Variants in MARCHF1 observed in about 807,000 individuals in gnomAD.
MARCHF1 encodes the protein membrane associated ring-CH-type finger 1.
A neutral mutation model predicts 54.2 loss-of-function variants in MARCHF1; 40 were observed. The observed-to-expected ratio is 0.74, with a 90% CI of 0.57 to 0.96. The LOEUF (loss-of-function observed/expected upper bound fraction) is 0.96. Among genes scored for constraint, MARCHF1 ranks in the 40% least tolerant of loss-of-function variants. MARCHF1 has a pLI of 0.00. For synonymous variants in MARCHF1, 236 were observed against 236.3 expected (o/e 1.00, Z 0.01); for missense variants, 586 against 656.5 (o/e 0.89, Z 1.17).
chr4:163,999,445 CTACTT>C lies in MARCHF1; in HGVS notation c.-247-10741_-247-10737del, dbSNP rs1012542693. 2.3e-4 allele frequency among the ~76,000 whole-genome samples: 35 copies of C among 151,620 alleles called. 1 individual carries two copies. The highest frequency in any genetic ancestry group is 8.4e-4 in the African/African-American group (35 of 41,448). ...ACAATTGAGTATATTTCTTGACACT[CTACTT>C]AAGAGTATTCAAACACACAGTAAAA... On this transcript the variant is annotated intron_variant, in intron 2 of 9. Coordinates refer to ENST00000514618, the MANE Select transcript of MARCHF1 (RefSeq NM_001394959.1).
At chr4:163,671,534 G>T (rs560148032) in intron 5 of MARCHF1, among the ~76,000 whole-genome samples, 1 of 152,220 alleles carries the variant, frequency 6.6e-6, no homozygotes. Flanking sequence ...ATAGTTTTTT[G>T]TGTCTTTGTA....
At chr4:163,871,584 A>G (rs1750169966) in intron 3 of MARCHF1, among the ~76,000 whole-genome samples, 2 of 152,200 alleles carry the variant, frequency 1.3e-5, no homozygotes, top group Non-Finnish European at 1.5e-5. Flanking sequence ...GACAGAATTC[A>G]CTTGCAGAAA....
intron 1 of MARCHF1, among the ~76,000 whole-genome samples, chr4:164,335,443 G>A (rs980188945): frequency 4.6e-5 from 7 of 152,126 alleles, no homozygotes; most frequent in African/African-American, 1.2e-4. Flanking sequence ...TTAACTGGGC[G>A]TGGTGGCTTG....
intron 3 of MARCHF1, among the ~76,000 whole-genome samples, chr4:163,941,320 C>A (rs1751907668): frequency 1.3e-5 from 2 of 152,034 alleles, no homozygotes; most frequent in African/African-American, 4.8e-5. Context: ...TTGAGCTAGG[C>A]ACTGAACGGA....
chr4:163,921,538 G>GTACA (rs1426942287), intron 3 of MARCHF1, among the ~76,000 whole-genome samples: 1 of 152,144 alleles, frequency 6.6e-6, no homozygotes, highest in Non-Finnish European at 1.5e-5. Flanking sequence ...CTTGAAGAGA[G>GTACA]TACAGTAAGA....
chr4:163,685,130 C>G (rs1389001099), intron 5 of MARCHF1, among the ~76,000 whole-genome samples: 4 of 152,138 alleles, frequency 2.6e-5, no homozygotes, highest in Admixed American at 6.5e-5. Context: ...AAATGATGGA[C>G]AGTAGGTCCT....
rs77210180 is a variant in MARCHF1 at position 163,822,503 on chromosome 4, C to T, written c.111+31518G>A. ...CCTCTGGAAAAGTACACTTCACATA[C>T]GATTCTTTTTAAAAAATAATTGGGA... On this transcript the variant is annotated intron_variant, in intron 4 of 9. Coordinates refer to ENST00000514618, the MANE Select transcript of MARCHF1 (RefSeq NM_001394959.1). Among the ~76,000 whole-genome samples the T allele has an allele frequency of 2.7e-3, 414 of 151,870 alleles. 3 individuals are homozygous for T. The highest frequency in any genetic ancestry group is 9.5e-3 in the African/African-American group (394 of 41,482).
intron 4 of MARCHF1, among the ~76,000 whole-genome samples, chr4:163,718,883 A>G (rs1561037059): frequency 6.6e-6 from 1 of 152,200 alleles, no homozygotes. Context: ...AGCATCTGCT[A>G]TTGTAAAATC....
At position 163,839,843 on chromosome 4, in the gene MARCHF1, C is replaced by A. The variant is rs115097217; in HGVS notation, c.111+14178G>T. Among the ~76,000 whole-genome samples, 1,293 of 152,086 alleles carry A rather than the reference C, an allele frequency of 8.5e-3. 8 individuals carry two copies. The highest frequency in any genetic ancestry group is 0.015 in the Non-Finnish European group (989 of 67,944). On this transcript the variant is annotated intron_variant, in intron 4 of 9. Coordinates refer to ENST00000514618, the MANE Select transcript of MARCHF1 (RefSeq NM_001394959.1). The stretch of plus-strand genomic sequence containing the variant: ...TATATTAAAACCACTGAAATGTGTG[C>A]TTTAAATGAATCAACTTAATGATAT...
At chr4:164,358,125 A>C (rs909941751) in intron 1 of MARCHF1, among the ~76,000 whole-genome samples, 3 of 152,192 alleles carry the variant, frequency 2.0e-5, no homozygotes, top group African/African-American at 4.8e-5. Flanking sequence ...ATCAGTCCAC[A>C]TTATGCAACT....
chr4:164,228,476 A>C (rs1320998781), intron 1 of MARCHF1, among the ~76,000 whole-genome samples: 1 of 152,318 alleles, frequency 6.6e-6, no homozygotes, highest in South Asian at 2.1e-4. Context: ...TGCATGTGGA[A>C]CCCTTTGGTG....
chr4:164,043,030 C>A (rs537944097), intron 2 of MARCHF1, among the ~76,000 whole-genome samples: 4 of 152,298 alleles, frequency 2.6e-5, no homozygotes, highest in Admixed American at 2.6e-4. Flanking sequence ...AAGGTACAGC[C>A]CCTGTGGCTG....
chr4:163,698,988 T>C (rs1438171795), intron 5 of MARCHF1, among the ~76,000 whole-genome samples: 2 of 152,162 alleles, frequency 1.3e-5, no homozygotes, highest in African/African-American at 4.8e-5. Flanking sequence ...ATTATCATCA[T>C]CCTTATGTCA....
Position 163,648,686 on chromosome 4 carries a change from C to CATGGA in MARCHF1, c.163-35298_163-35294dup, listed in dbSNP as rs1313948094. Reference sequence around the variant, plus strand: ...AAAAAAACAAGGAGCTGAAAATTATCATGGAGAAGAAGAAGGAGAAGAAAT... The same window carrying CATGGA: ...AAAAAAACAAGGAGCTGAAAATTATCATGGAATGGAGAAGAAGAAGGAGAAGAAAT... On this transcript the variant is annotated intron_variant, in intron 5 of 9. Coordinates refer to ENST00000514618, the MANE Select transcript of MARCHF1 (RefSeq NM_001394959.1). Among the ~76,000 whole-genome samples the CATGGA allele has an allele frequency of 2.8e-5, 4 of 143,112 alleles. No homozygotes were observed. In the East Asian group the frequency reaches 6.1e-4, roughly 22 times the overall value. 93.9% of individuals were successfully genotyped at this position (143,112 alleles called of 152,430 possible).
At chr4:164,374,163 CTACATA>C (rs1443152485) in intron 1 of MARCHF1, among the ~76,000 whole-genome samples, 7 of 152,086 alleles carry the variant, frequency 4.6e-5, no homozygotes, top group Admixed American at 4.6e-4. Context: ...ATTTTTTCCT[CTACATA>C]TAATTTATTA....
chr4:163,715,656 T>C (rs895683501), intron 4 of MARCHF1, among the ~76,000 whole-genome samples: 8 of 152,138 alleles, frequency 5.3e-5, no homozygotes, highest in Non-Finnish European at 1.2e-4. Flanking sequence ...CCAATATATG[T>C]ACATACTATG....
At chr4:163,903,960 G>A (rs1297540941) in intron 3 of MARCHF1, among the ~76,000 whole-genome samples, 1 of 152,064 alleles carries the variant, frequency 6.6e-6, no homozygotes, top group Non-Finnish European at 1.5e-5. Context: ...TTAAATAAAA[G>A]CTATCTAAAT....
chr4:164,260,699 A>G (rs906399213), intron 1 of MARCHF1, among the ~76,000 whole-genome samples: 2 of 152,254 alleles, frequency 1.3e-5, no homozygotes, highest in African/African-American at 4.8e-5. Context: ...AGAAAGACCA[A>G]CTTCATTAGA....
chr4:164,184,325 C>G (rs1180227545), intron 1 of MARCHF1, among the ~76,000 whole-genome samples: 1 of 152,124 alleles, frequency 6.6e-6, no homozygotes, highest in East Asian at 1.9e-4. Context: ...ACAGTATCTC[C>G]CTCAAATATT....
Sources: allele counts gnomAD v4.1 joint callset (sites outside exome capture counted in the v4.1 genomes callset), GRCh38; gene constraint gnomAD v4.1.1; transcripts MANE v1.5; gene names NCBI Gene and HGNC (gene_info 2026-07-23, HGNC 2026-07-21).